The following AHR variants were observed in gnomAD, a reference collection of about 807,000 sequenced individuals.
AHR encodes AH-receptor.
AHR carries 40 observed loss-of-function variants against 86.8 expected under a neutral mutation model. The ratio of observed to expected loss-of-function variants is 0.46; its 90% confidence interval spans 0.36 to 0.60. AHR has a LOEUF of 0.60. AHR is among the 20% of genes least tolerant of loss of function. AHR has a pLI of 0.00. For missense variants in AHR, 1,001 were observed against 1,011.6 expected (o/e 0.99, Z 0.14); for synonymous variants, 398 against 354.9 (o/e 1.12, Z -1.37).
intron 9 of AHR, 37 bp downstream of exon 9, chr7:17,335,823 G>C: frequency 6.3e-7 from 1 of 1,586,162 alleles, no homozygotes; most frequent in African/African-American, 1.4e-5. Context: ...TAACAGTTTT[G>C]TTTTCATAAG....
chr7:17,330,215 A>G, intron 5 of AHR, 140 bp downstream of exon 5: 1 of 811,124 alleles, frequency 1.2e-6, no homozygotes, highest in Non-Finnish European at 1.9e-6. Flanking sequence ...CATAGGCCAC[A>G]GCTAGGTCAC....
intron 3 of AHR, 48 bp from the exon 4 acceptor site, chr7:17,327,711 G>T: frequency 9.6e-7 from 1 of 1,037,156 alleles, no homozygotes; most frequent in South Asian, 1.6e-5. Context: ...TTATCTGATG[G>T]TCAATATTAA....
chr7:17,309,958 G>C lies in AHR; in HGVS notation c.88G>C (p.Gly30Arg). The C allele has an allele frequency of 6.3e-7, 1 of 1,594,480 alleles. No homozygotes were observed. The highest frequency in any genetic ancestry group is 8.6e-7 in the Non-Finnish European group (1 of 1,166,044). ...QKTVKPIPAE[G>R]IKSNPSKRHR... ...CAGAGTAAAGCCAATCCCAGCTGAA[G>C]GAATCAAGTCAAATCCTTCCAAGCG... Residue 30 changes from glycine to arginine, a missense_variant, in exon 2 of 11, where the codon GGA becomes CGA. By Grantham distance (125) the Gly-to-Arg change is moderately radical. Transcript: ENST00000242057.
intron 1 of AHR, among the ~76,000 whole-genome samples, chr7:17,302,972 A>G (rs1781969597): frequency 1.3e-5 from 2 of 152,052 alleles, no homozygotes; most frequent in Admixed American, 1.3e-4. Context: ...TACGGCTGAA[A>G]TGTGCTACTT....
At chr7:17,342,804 C>G in intron 10 of AHR, 117 bp from the exon 11 acceptor site, 1 of 970,052 alleles carries the variant, frequency 1.0e-6, no homozygotes, top group Non-Finnish European at 1.5e-6. Context: ...AGTAAAGGAA[C>G]TTGAAGTTTA....
At chr7:17,318,998 G>A (rs1024213606) in intron 2 of AHR, among the ~76,000 whole-genome samples, 2 of 152,060 alleles carry the variant, frequency 1.3e-5, no homozygotes, top group Non-Finnish European at 2.9e-5. Flanking sequence ...TTGCTGGCTT[G>A]GGAGTGGCAG....
chr7:17,322,427 G>T, intron 2 of AHR, 74 bp from the exon 3 acceptor site: 3 of 924,492 alleles, frequency 3.2e-6, no homozygotes, highest in Non-Finnish European at 5.0e-6. Flanking sequence ...TTTGTTTGGT[G>T]TTCAGAAGTT....
chr7:17,328,834 A>G (rs1782255187), intron 4 of AHR, among the ~76,000 whole-genome samples: 1 of 151,982 alleles, frequency 6.6e-6, no homozygotes, highest in Non-Finnish European at 1.5e-5. Flanking sequence ...ATGATTTAAT[A>G]CTAGAAGATT....
At chr7:17,334,814 G>A in intron 7 of AHR, 73 bp from the exon 8 acceptor site, 1 of 1,093,842 alleles carries the variant, frequency 9.1e-7, no homozygotes, top group Non-Finnish European at 1.3e-6. Context: ...TAAAACCAAT[G>A]AATTTATCTT....
In AHR at chr7:17,334,098, A is replaced by G. The variant is rs755496764; in HGVS notation, c.892A>G (p.Ile298Val). 4.3e-6 allele frequency: 7 copies of G among 1,612,832 alleles called. No individual in the cohort carries two copies. The highest frequency in any genetic ancestry group is 1.7e-5 in the Admixed American group (1 of 60,000). The change falls in exon 7 of 11, where the codon ATT becomes GTT. Residue 298 changes from isoleucine to valine, a missense_variant. Ile to Val is a conservative substitution (Grantham distance 29, BLOSUM62 3). Around this residue, in one of 2 missense-constraint regions of AHR, gnomAD observed 394 missense variants for 468.5 expected, o/e 0.84. Transcript: ENST00000242057. ...CAAACACAAACTAGACTTCACACCT[A>G]TTGGTTGTGATGCCAAGTAAGTGAG... ...RTKHKLDFTP[I>V]GCDAKGRIVL...
intron 9 of AHR, among the ~76,000 whole-genome samples, chr7:17,338,147 C>T (rs1190678360): frequency 2.7e-5 from 4 of 147,874 alleles, no homozygotes; most frequent in East Asian, 2.0e-4. Context: ...TGCAGTGAGC[C>T]GAGATCGCGC....
chr7:17,299,274 A>G lies in AHR; in HGVS notation c.10A>G (p.Ser4Gly). The G allele has an allele frequency of 6.2e-7, 1 of 1,612,304 alleles. No homozygotes were observed. Among genetic ancestry groups the G allele is most frequent in the East Asian group, 2.2e-5 (1 of 44,832 alleles). The change falls in exon 1 of 11, where the codon AGC becomes GGC. Residue 4 changes from serine (S) to glycine (G), a missense_variant. This residue lies in a region of AHR where 394 missense variants were observed against 468.5 expected (regional missense o/e 0.84). Transcript: ENST00000242057. The stretch of plus-strand genomic sequence containing the variant: ...CCGTCGGCTGGGCACCATGAACAGC[A>G]GCAGCGCCAACATCACCTACGCCAG... MNS[S>G]SANITYASRK...
At chr7:17,309,217 G>C (rs1008989908) in intron 1 of AHR, among the ~76,000 whole-genome samples, 9 of 152,122 alleles carry the variant, frequency 5.9e-5, no homozygotes, top group African/African-American at 2.2e-4. Flanking sequence ...CTTTCTAATT[G>C]AGACACAAGC....
At chr7:17,318,868 G>T (rs1276848773) in intron 2 of AHR, among the ~76,000 whole-genome samples, 1 of 152,048 alleles carries the variant, frequency 6.6e-6, no homozygotes, top group Non-Finnish European at 1.5e-5. Context: ...AAAAGAAAAT[G>T]TTATTAAGAA....
intron 3 of AHR, among the ~76,000 whole-genome samples, chr7:17,326,235 AAAT>A (rs1782228964): frequency 6.6e-6 from 1 of 152,348 alleles, no homozygotes; most frequent in East Asian, 1.9e-4. Flanking sequence ...AAGGAATACT[AAAT>A]AATAGTTGTT....
intron 2 of AHR, among the ~76,000 whole-genome samples, chr7:17,322,172 TTTGTAA>T (rs1380731458): frequency 1.3e-5 from 2 of 151,998 alleles, no homozygotes; most frequent in Admixed American, 1.3e-4. Context: ...GAGAGGAGTG[TTTGTAA>T]CAGTGTTGTG....
At chr7:17,302,334 T>C (rs1052345263) in intron 1 of AHR, among the ~76,000 whole-genome samples, 4 of 152,020 alleles carry the variant, frequency 2.6e-5, no homozygotes, top group African/African-American at 7.2e-5. Context: ...TAAAAACTTT[T>C]ACTTTTATTA....
chr7:17,302,801 CA>C (rs1366332462), intron 1 of AHR, among the ~76,000 whole-genome samples: 138 of 139,216 alleles, frequency 9.9e-4, no homozygotes, highest in Middle Eastern at 3.5e-3. Context: ...TAAAACAGAA[CA>C]AAAAAAAAAT....
chr7:17,317,952 T>C (rs1782132925), intron 2 of AHR, among the ~76,000 whole-genome samples: 1 of 151,882 alleles, frequency 6.6e-6, no homozygotes, highest in African/African-American at 2.4e-5. Flanking sequence ...TAAAACTGAG[T>C]GCGTACCAAT....
Sources: gnomAD v4.1 joint callset for allele counts (sites outside exome capture counted in the v4.1 genomes callset) on GRCh38, gnomAD v4.1.1 for gene constraint, gnomAD v4.1.1 regional missense constraint, MANE v1.5 for transcripts, NCBI Gene and HGNC (gene_info 2026-07-23, HGNC 2026-07-21) for gene names.